The following SLC22A16 variants were observed in gnomAD, a reference collection of about 807,000 sequenced individuals.
SLC22A16 encodes the protein solute carrier family 22 member 16.
In SLC22A16, 53 loss-of-function variants were observed where a neutral mutation model predicts 52.9. The observed-to-expected ratio is 1.00, with a 90% CI of 0.80 to 1.26. SLC22A16 has a LOEUF of 1.26. Ranked by LOEUF, SLC22A16 falls within the 50% of genes most tolerant of loss-of-function variation. SLC22A16 has a pLI of 0.00. For missense variants in SLC22A16, 726 were observed against 704.0 expected (o/e 1.03, Z -0.35); for synonymous variants, 291 against 268.8 (o/e 1.08, Z -0.81).
In SLC22A16 at chr6:110,472,973, T is replaced by C. The variant is rs564237355; in HGVS notation, c.53+3549A>G. On this transcript the variant is annotated intron_variant, in intron 1 of 7. Coordinates refer to ENST00000368919, the MANE Select transcript of SLC22A16 (RefSeq NM_033125.4). ...GTGGAGTCCATCATGGCTAAGAGCA[T>C]GGACTCTGGAGCCAGACTGCCAAGG... Among the ~76,000 whole-genome samples the C allele has an allele frequency of 1.5e-4, 23 of 152,292 alleles. No homozygotes were observed. In the South Asian group the frequency reaches 3.1e-3, roughly 21 times the overall value.
intron 2 of SLC22A16, among the ~76,000 whole-genome samples, chr6:110,454,630 T>A (rs12214493): frequency 1.5e-4 from 7 of 47,400 alleles, no homozygotes; most frequent in African/African-American, 7.4e-4. Context: ...TAATATATAT[T>A]TATATATATT....
intron 5 of SLC22A16, among the ~76,000 whole-genome samples, chr6:110,436,940 G>A (rs371489987): frequency 3.3e-5 from 5 of 152,038 alleles, no homozygotes; most frequent in South Asian, 4.2e-4. Flanking sequence ...GTGGCCTTGC[G>A]GCTGATGTGT....
chr6:110,456,807 C>T lies in SLC22A16; in HGVS notation c.264G>A (p.Val88=), dbSNP rs1775676317. The T allele has an allele frequency of 5.0e-6, 8 of 1,614,098 alleles. No individual in the cohort carries two copies. The highest frequency in any genetic ancestry group is 1.7e-5 in the Admixed American group (1 of 60,004). ...CCCAGATCTCACCATTCTGCAACTG[C>T]ACCGTAACATAATCTTTCTGGCCTG... ...LSSGQKDYVT[V]QLQNGEIWEL... Residue 88 remains valine (V), a synonymous_variant, in exon 2 of 8, where the codon GTG becomes GTA. Coordinates refer to ENST00000368919, the MANE Select transcript of SLC22A16 (RefSeq NM_033125.4).
intron 1 of SLC22A16, among the ~76,000 whole-genome samples, chr6:110,462,482 A>C (rs1775919708): frequency 6.6e-6 from 1 of 152,222 alleles, no homozygotes; most frequent in Non-Finnish European, 1.5e-5. Flanking sequence ...AAATAGATAT[A>C]TTAAACTTTA....
At chr6:110,427,726 C>G (rs965756647) in intron 7 of SLC22A16, among the ~76,000 whole-genome samples, 1 of 152,238 alleles carries the variant, frequency 6.6e-6, no homozygotes, top group African/African-American at 2.4e-5. Flanking sequence ...TCCCAAACCC[C>G]TGGCCCCCCA....
intron 6 of SLC22A16, among the ~76,000 whole-genome samples, chr6:110,434,696 T>G (rs1292645054): frequency 1.3e-5 from 2 of 152,012 alleles, no homozygotes; most frequent in East Asian, 1.9e-4. Context: ...ATCCCGAGTC[T>G]CGGCTAGGCG....
intron 1 of SLC22A16, among the ~76,000 whole-genome samples, chr6:110,470,107 A>G (rs10214672): frequency 0.26 from 38,768 of 152,012 alleles, 6,503 homozygotes; most frequent in African/African-American, 0.48. Context: ...CCAGATCATT[A>G]CAGTGTGGCT....
intron 5 of SLC22A16, among the ~76,000 whole-genome samples, chr6:110,437,106 T>C (rs551005102): frequency 6.6e-6 from 1 of 152,286 alleles, no homozygotes; most frequent in East Asian, 1.9e-4. Flanking sequence ...ACTGAGATTC[T>C]GGGATGCCTC....
chr6:110,476,237 G>T, intron 1 of SLC22A16: 3 of 817,912 alleles, frequency 3.7e-6, no homozygotes, highest in Non-Finnish European at 5.2e-6. Flanking sequence ...TCCAGCATCT[G>T]CTGCCGCGGA....
intron 1 of SLC22A16, among the ~76,000 whole-genome samples, chr6:110,462,222 T>C (rs567760751): frequency 3.0e-4 from 45 of 152,300 alleles, no homozygotes; most frequent in African/African-American, 9.6e-4. Flanking sequence ...GAGATTTGGG[T>C]GGGACACAGA....
At chr6:110,449,446 C>A (rs1043198689) in intron 2 of SLC22A16, among the ~76,000 whole-genome samples, 2 of 152,120 alleles carry the variant, frequency 1.3e-5, no homozygotes, top group Admixed American at 1.3e-4. Flanking sequence ...TAATGTCCTG[C>A]AGAGCTGCAA....
At chr6:110,434,691 G>A (rs887559656) in intron 6 of SLC22A16, among the ~76,000 whole-genome samples, 3 of 152,114 alleles carry the variant, frequency 2.0e-5, no homozygotes, top group South Asian at 4.1e-4. Flanking sequence ...TAAAAATCCC[G>A]AGTCTCGGCT....
At chr6:110,445,579 A>G (rs936560346) in intron 3 of SLC22A16, among the ~76,000 whole-genome samples, 2 of 152,158 alleles carry the variant, frequency 1.3e-5, no homozygotes, top group Admixed American at 6.5e-5. Flanking sequence ...CCCCATGAAC[A>G]TCAACGGAAA....
At chr6:110,445,244 G>A (rs1025140448) in intron 3 of SLC22A16, among the ~76,000 whole-genome samples, 2 of 151,852 alleles carry the variant, frequency 1.3e-5, no homozygotes, top group South Asian at 4.2e-4. Flanking sequence ...CAGACATTCC[G>A]GCTTTTCTTT....
Position 110,468,667 on chromosome 6 carries a change from G to GAGAAGA in SLC22A16, c.53+7849_53+7854dup, listed in dbSNP as rs147010194. Among the ~76,000 whole-genome samples the GAGAAGA allele has an allele frequency of 4.7e-4, 70 of 148,918 alleles. 1 individual carries two copies. The East Asian group carries it at 5.3e-3, about 11-fold the overall frequency. ...TCTCAAAAAAAAAAAAAACAAAATG[G>GAGAAGA]AGAAGAAGAAGAAGAAGAAGAAAAA... On this transcript the variant is annotated intron_variant, in intron 1 of 7. Transcript: ENST00000368919.
intron 7 of SLC22A16, among the ~76,000 whole-genome samples, chr6:110,426,656 A>C (rs758660495): frequency 6.2e-4 from 94 of 152,220 alleles, no homozygotes; most frequent in Non-Finnish European, 1.1e-3. Context: ...GCAAAAAGAA[A>C]AGCTCTCAAA....
chr6:110,473,719 G>C (rs1582600617), intron 1 of SLC22A16, among the ~76,000 whole-genome samples: 1 of 151,096 alleles, frequency 6.6e-6, no homozygotes, highest in Non-Finnish European at 1.5e-5. Context: ...TGGAGACTTG[G>C]TTTCACTACA....
Position 110,435,930 on chromosome 6 carries a change from A to G in SLC22A16, c.1343T>C (p.Met448Thr), listed in dbSNP as rs762769743. 20 of 1,614,130 alleles carry G rather than the reference A, an allele frequency of 1.2e-5. No individual in the cohort carries two copies. Among genetic ancestry groups the G allele is most frequent in the Non-Finnish European group, 1.7e-5 (20 of 1,179,958 alleles). ...KHYILGVVTA[M>T]VGKFAIGAAF... ...TGCCCCGATGGCAAATTTTCCAACC[A>G]TAGCTGTCACCACACCCAAAATATA... is the stretch of plus-strand genomic sequence containing the variant. The change falls in exon 6 of 8, where the codon ATG becomes ACG. Residue 448 changes from methionine (M) to threonine (T), a missense_variant. By Grantham distance (81) the Met-to-Thr change is moderately conservative. Transcript: ENST00000368919.
chr6:110,469,576 T>C (rs879765368), intron 1 of SLC22A16, among the ~76,000 whole-genome samples: 4 of 152,142 alleles, frequency 2.6e-5, no homozygotes, highest in African/African-American at 4.8e-5. Flanking sequence ...ACACCTTATA[T>C]TGGATCATAC....
Sources: gnomAD v4.1 joint callset for allele counts (sites outside exome capture counted in the v4.1 genomes callset) on GRCh38, gnomAD v4.1.1 for gene constraint, MANE v1.5 for transcripts, NCBI Gene and HGNC (gene_info 2026-07-23, HGNC 2026-07-21) for gene names.